The following NXPH4 variants were observed in gnomAD, a reference collection of about 807,000 sequenced individuals.
The protein encoded by NXPH4 is neurexophilin 4.
Under a neutral mutation model 21.3 loss-of-function variants are expected in NXPH4, and 8 were observed. That is an observed-to-expected ratio of 0.38 (90% CI 0.22 to 0.68). The LOEUF is 0.68. Ranked by LOEUF, NXPH4 falls within the 30% of genes least tolerant of loss-of-function variation. The pLI is 0.53. For missense variants in NXPH4, 418 were observed against 416.8 expected (o/e 1.00, Z -0.03); for synonymous variants, 219 against 192.6 (o/e 1.14, Z -1.13).
chr12:57,224,194 A>G (rs1346172460), intron 1 of NXPH4, among the ~76,000 whole-genome samples: 4 of 151,472 alleles, frequency 2.6e-5, no homozygotes, highest in Non-Finnish European at 4.4e-5. Flanking sequence ...GGTGCGATCT[A>G]GGCTTACTGC....
In NXPH4 at chr12:57,225,227, T is replaced by G. The variant is rs1487083141; in HGVS notation, c.407T>G (p.Phe136Cys). The G allele has an allele frequency of 2.9e-5, 46 of 1,570,598 alleles. No individual in the cohort carries two copies. The highest frequency in any genetic ancestry group is 4.0e-5 in the Non-Finnish European group (46 of 1,159,106). The stretch of plus-strand genomic sequence containing the variant: ...ATCGTGGACCATGTGAACGGTACCT[T>G]CAGTGTGTATTTCCGCCACAACTCG... ...GKIVDHVNGT[F>C]SVYFRHNSSS... The change falls in exon 2 of 2, where the codon TTC becomes TGC. Residue 136 changes from phenylalanine (F) to cysteine (C), a missense_variant. Physicochemically the swap from Phe to Cys is radical, Grantham distance 205. Transcript: ENST00000349394.
At chr12:57,223,323 A>G (rs1025877452) in intron 1 of NXPH4, among the ~76,000 whole-genome samples, 1 of 152,114 alleles carries the variant, frequency 6.6e-6, no homozygotes, top group Non-Finnish European at 1.5e-5. Flanking sequence ...TAACCACACC[A>G]GTCACACAGA....
chr12:57,223,909 G>GC (rs1179850794), intron 1 of NXPH4, among the ~76,000 whole-genome samples: 1 of 152,130 alleles, frequency 6.6e-6, no homozygotes, highest in African/African-American at 2.4e-5. Context: ...GGGCTCCTTA[G>GC]CCCCCTTGGA....
intron 1 of NXPH4, chr12:57,221,451 T>C: frequency 2.3e-6 from 1 of 425,824 alleles, no homozygotes; most frequent in South Asian, 1.6e-5. Context: ...AGCCTGATCC[T>C]CCCCCAATCC....
chr12:57,219,168 T>G (rs2037066363), intron 1 of NXPH4, among the ~76,000 whole-genome samples: 1 of 152,108 alleles, frequency 6.6e-6, no homozygotes, highest in Non-Finnish European at 1.5e-5. Context: ...GGCAACTTTT[T>G]GGCAACCCTA....
At chr12:57,224,679 C>T (rs2037123921) in intron 1 of NXPH4, among the ~76,000 whole-genome samples, 199 bp from the exon 2 acceptor site, 1 of 152,212 alleles carries the variant, frequency 6.6e-6, no homozygotes, top group Non-Finnish European at 1.5e-5. Context: ...AGGCCCAGAT[C>T]CATGAAGTGA....
chr12:57,222,350 TCCCCCTGCCCCTTACTTCTA>T lies in NXPH4; in HGVS notation c.58-2515_58-2496del, dbSNP rs1283762060. On this transcript the variant is annotated intron_variant, in intron 1 of 1. Coordinates refer to ENST00000349394, the MANE Select transcript of NXPH4 (RefSeq NM_007224.4). ...CCTTACCCTGCTGAACCTCCTCCCC[TCCCCCTGCCCCTTACTTCTA>T]CCCCCTGCCCCTGTCTGGTAGAAGT... Among the ~76,000 whole-genome samples the T allele has an allele frequency of 9.9e-5, 15 of 151,326 alleles. No individual in the cohort carries two copies. The South Asian group carries it at 1.7e-3, about 17-fold the overall frequency.
Position 57,225,668 on chromosome 12 carries a change from T to A in NXPH4, c.848T>A (p.Phe283Tyr). 1 of 1,613,908 alleles carries A rather than the reference T, an allele frequency of 6.2e-7. No individual in the cohort carries two copies. Among genetic ancestry groups the A allele is most frequent in the Non-Finnish European group, 8.5e-7 (1 of 1,180,004 alleles). ...AAAGTCATCTGTATCTTCGTCTCTT[T>A]CCTCAGCTTTGACTACAAACTGGTG... ...PFKVICIFVS[F>Y]LSFDYKLVQK... Residue 283 changes from phenylalanine to tyrosine, a missense_variant, in exon 2 of 2, where the codon TTC becomes TAC. Transcript: ENST00000349394.
rs145721887 is a variant in NXPH4, at chr12:57,221,759, G to A, written c.58-3119G>A. On this transcript the variant is annotated intron_variant, in intron 1 of 1. Coordinates refer to ENST00000349394, the MANE Select transcript of NXPH4 (RefSeq NM_007224.4). ...TCTGGAGCAAGGGGGACCCCTCCTCGGACAACATCCTGCTCCCACCCTCAG... is the reference window on the plus strand; with the variant it reads ...TCTGGAGCAAGGGGGACCCCTCCTCAGACAACATCCTGCTCCCACCCTCAG... Among the ~76,000 whole-genome samples the A allele has an allele frequency of 2.0e-3, 304 of 152,244 alleles. 3 individuals are homozygous for A. Among genetic ancestry groups the A allele is most frequent in the Middle Eastern group, 0.017 (5 of 294 alleles).
At chr12:57,218,035 C>A (rs147385700) in intron 1 of NXPH4, among the ~76,000 whole-genome samples, 1,805 of 152,326 alleles carry the variant, frequency 0.012, 20 homozygotes, top group Non-Finnish European at 0.016. Context: ...CCCCCATTTT[C>A]CTTCTACCAG....
chr12:57,221,629 A>T (rs1033689689), intron 1 of NXPH4: 1 of 265,776 alleles, frequency 3.8e-6, no homozygotes, highest in Non-Finnish European at 7.8e-6. Context: ...AGCCTGCTGA[A>T]CCCCCCAGCT....
intron 1 of NXPH4, among the ~76,000 whole-genome samples, chr12:57,217,300 G>T (rs2037050527): frequency 6.6e-6 from 1 of 152,252 alleles, no homozygotes; most frequent in Admixed American, 6.5e-5. Context: ...CGACCCGCGA[G>T]TGCGCCAGAC....
chr12:57,221,280 A>C, intron 1 of NXPH4: 1 of 453,618 alleles, frequency 2.2e-6, no homozygotes. Flanking sequence ...GCAGGGGCTC[A>C]GGATGCTCTT....
chr12:57,220,894 C>T (rs976322313), intron 1 of NXPH4, among the ~76,000 whole-genome samples: 2 of 152,026 alleles, frequency 1.3e-5, no homozygotes, highest in African/African-American at 4.8e-5. Context: ...CCACCCTGAC[C>T]CCATCCCTGC....
rs2037142272 is a variant in NXPH4 at position 57,225,893 on chromosome 12, C to T, written c.*146C>T. ...GAGGGGAATGGCTTCTCGGGACCCT[C>T]AGCTAGCGTGGGTGCCCTTTTCCTT... On this transcript the variant is annotated 3_prime_UTR_variant, in exon 2 of 2. Transcript: ENST00000349394. The T allele has an allele frequency of 6.9e-7, 1 of 1,447,220 alleles. No individual in the cohort carries two copies. 89.6% of individuals were successfully genotyped at this position (1,447,220 alleles called of 1,614,324 possible). A position where few individuals can be genotyped will look rare whatever the true frequency, so the allele number is the denominator to read the frequency against.
chr12:57,226,221 T>G lies in NXPH4; in HGVS notation c.*474T>G, dbSNP rs2037147404. 3 of 384,566 alleles carry G rather than the reference T, an allele frequency of 7.8e-6. No homozygotes were observed. In the South Asian group the frequency reaches 3.3e-4, roughly 42 times the overall value. 23.8% of individuals were successfully genotyped at this position (384,566 alleles called of 1,614,324 possible). The stretch of plus-strand genomic sequence containing the variant: ...AAACCTCGGCCTGTCCTCCCACCAT[T>G]CTGCCTGCCATATGCCTGTCCCCTT... On this transcript the variant is annotated 3_prime_UTR_variant, in exon 2 of 2. Coordinates refer to ENST00000349394, the MANE Select transcript of NXPH4 (RefSeq NM_007224.4).
At chr12:57,218,276 C>G (rs2037058662) in intron 1 of NXPH4, among the ~76,000 whole-genome samples, 1 of 152,230 alleles carries the variant, frequency 6.6e-6, no homozygotes, top group Non-Finnish European at 1.5e-5. Context: ...CATTAGAGCT[C>G]CCTGGCCCTC....
rs532401428 is a variant in NXPH4 at position 57,218,482 on chromosome 12, T to C, written c.57+1456T>C. Among the ~76,000 whole-genome samples, 15 of 152,236 alleles carry C rather than the reference T, an allele frequency of 9.9e-5. No individual in the cohort carries two copies. The South Asian group carries it at 2.3e-3, about 23-fold the overall frequency. On this transcript the variant is annotated intron_variant, in intron 1 of 1. Coordinates refer to ENST00000349394, the MANE Select transcript of NXPH4 (RefSeq NM_007224.4). Reference sequence around the variant, plus strand: ...AGGCCTGGGGTCAAGAGGTGGTAGGTATGGCATTCTCTTGCCCCTCCTTTC... The same window carrying C: ...AGGCCTGGGGTCAAGAGGTGGTAGGCATGGCATTCTCTTGCCCCTCCTTTC...
intron 1 of NXPH4, among the ~76,000 whole-genome samples, chr12:57,224,284 C>G (rs924775374): frequency 6.6e-6 from 1 of 151,704 alleles, no homozygotes; most frequent in Non-Finnish European, 1.5e-5. Flanking sequence ...CCCCAGAACG[C>G]CCGCCTAATT....
Sources: allele counts gnomAD v4.1 joint callset (sites outside exome capture counted in the v4.1 genomes callset), GRCh38; gene constraint gnomAD v4.1.1; transcripts MANE v1.5; gene names NCBI Gene and HGNC (gene_info 2026-07-23, HGNC 2026-07-21).